Variants in NEB observed in about 807,000 individuals in gnomAD.
NEB encodes nebulin.
NEB carries 512 observed loss-of-function variants against 952.2 expected under a neutral mutation model. That is an observed-to-expected ratio of 0.54 (90% CI 0.50 to 0.58). The LOEUF (loss-of-function observed/expected upper bound fraction) is 0.58. NEB is among the 20% of genes least tolerant of loss of function. NEB has a pLI of 0.00. For missense variants in NEB, 8,428 were observed against 9,231.1 expected (o/e 0.91, Z 3.56); for synonymous variants, 2,900 against 3,149.8 (o/e 0.92, Z 2.66).
At chr2:151,672,251 T>C (rs2099310374) in intron 37 of NEB, 118 bp downstream of exon 37, 3 of 1,005,652 alleles carry the variant, frequency 3.0e-6, no homozygotes, top group East Asian at 5.3e-5. Context: ...TCAGTAATGG[T>C]TGTTTATTCT....
chr2:151,642,972 C>A (rs1055785464), intron 58 of NEB, 103 bp from the exon 59 acceptor site: 1 of 1,201,800 alleles, frequency 8.3e-7, no homozygotes. Flanking sequence ...CTCAGTGAAT[C>A]GGTATTTGTG....
At position 151,671,119 on chromosome 2, in the gene NEB, C is replaced by T; in HGVS notation, c.4410G>A (p.Arg1470=). 1 of 1,613,954 alleles carries T rather than the reference C, an allele frequency of 6.2e-7. No homozygotes were observed. The part of the protein sequence containing the change: ...VKKAGDALNE[R]KYRQHPDTVK... Reference sequence around the variant, plus strand: ...CGGTATCTGGGTGCTGTCGATACTTCCTCTCATTTAATGCATCGCCTGCTT... The same window carrying T: ...CGGTATCTGGGTGCTGTCGATACTTTCTCTCATTTAATGCATCGCCTGCTT... Residue 1470 remains arginine (R), a synonymous_variant, in exon 38 of 182, where the codon AGG becomes AGA. Coordinates refer to ENST00000397345, the MANE Select transcript of NEB (RefSeq NM_001164508.2).
intron 123 of NEB, 137 bp downstream of exon 123, chr2:151,560,867 G>A: frequency 2.6e-6 from 2 of 757,028 alleles, no homozygotes; most frequent in Non-Finnish European, 4.3e-6. Flanking sequence ...ATTTTATGAG[G>A]TAAAGTAAGA....
chr2:151,612,425 C>T (rs752591391), intron 77 of NEB, 36 bp from the exon 78 acceptor site: 1 of 1,569,828 alleles, frequency 6.4e-7, no homozygotes, highest in South Asian at 1.1e-5. Context: ...TTATAGATGT[C>T]ACCTAGACGG....
At chr2:151,565,911 A>T in intron 114 of NEB, 91 bp from the exon 115 acceptor site, 1 of 786,660 alleles carries the variant, frequency 1.3e-6, no homozygotes, top group African/African-American at 1.7e-5. Flanking sequence ...GAAGCTTTTA[A>T]AGGATTTCTC....
At chr2:151,554,877 G>A (rs182513864) in intron 125 of NEB, 54 bp downstream of exon 125, 13 of 1,230,462 alleles carry the variant, frequency 1.1e-5, no homozygotes, top group Middle Eastern at 3.8e-4. Context: ...CATAACGAGC[G>A]GCACATTTCT....
At chr2:151,493,197 T>A in intron 176 of NEB, 156 bp downstream of exon 176, 6 of 601,444 alleles carry the variant, frequency 1.0e-5, no homozygotes, top group Non-Finnish European at 8.6e-6. Flanking sequence ...AAGTGCAAAT[T>A]TTTATGGTGT....
At chr2:151,615,168 T>C (rs1377345717) in intron 76 of NEB, among the ~76,000 whole-genome samples, 2 of 152,170 alleles carry the variant, frequency 1.3e-5, no homozygotes, top group East Asian at 1.9e-4. Flanking sequence ...CATTCTACCA[T>C]GGTGTGGGCT....
At chr2:151,571,241 G>A (rs1156300116) in intron 107 of NEB, among the ~76,000 whole-genome samples, 3 of 152,104 alleles carry the variant, frequency 2.0e-5, no homozygotes. Flanking sequence ...CTGACCCTCA[G>A]GTGATCCACC....
At chr2:151,552,387 T>C (rs1006631784) in intron 128 of NEB, among the ~76,000 whole-genome samples, 1 of 152,186 alleles carries the variant, frequency 6.6e-6, no homozygotes, top group Non-Finnish European at 1.5e-5. Flanking sequence ...TAGATAGAAA[T>C]AAACTTGCTA....
Position 151,576,297 on chromosome 2 carries a change from A to T in NEB, c.16762T>A (p.Ser5588Thr), listed in dbSNP as rs35227368. The change falls in exon 106 of 182, where the codon TCT (serine) becomes ACT (threonine). Residue 5588 changes from serine (S) to threonine (T), a missense_variant. Transcript: ENST00000397345. The part of the protein sequence containing the change: ...LRGIGWMPQG[S>T]PEVLRVKNAQ... The stretch of plus-strand genomic sequence containing the variant: ...TTTTTGACTCTCAACACTTCAGGAG[A>T]CCCTTGGGGCATCCAGCCAATGCCA... 24,616 of 1,609,038 alleles carry T rather than the reference A, an allele frequency of 0.015. 1,208 individuals are homozygous for T. The highest frequency in any genetic ancestry group is 0.14 in the East Asian group (6,278 of 44,790).
chr2:151,691,934 C>T lies in NEB; in HGVS notation c.2141G>A (p.Gly714Glu). The change falls in exon 23 of 182, where the codon GGA (glycine) becomes GAA (glutamate). Residue 714 changes from glycine (G) to glutamate (E), a missense_variant. Physicochemically the swap from Gly to Glu is moderately conservative, Grantham distance 98. This residue lies in a region of NEB where 2,851 missense variants were observed against 2,791.5 expected (regional missense o/e 1.02). Coordinates refer to ENST00000397345, the MANE Select transcript of NEB (RefSeq NM_001164508.2). ...TATTGTCTGAGGGAAATAGCATTTT[C>T]CTTTATCTTCTTCATATTCTGCTTT... The part of the protein sequence containing the change: ...SYKAEYEEDK[G>E]KCYFPQTITQ... 1.9e-6 allele frequency: 3 copies of T among 1,610,018 alleles called. No individual in the cohort carries two copies. The highest frequency in any genetic ancestry group is 1.7e-5 in the Admixed American group (1 of 59,316).
chr2:151,632,979 G>T (rs2098699174), intron 65 of NEB, among the ~76,000 whole-genome samples: 2 of 152,206 alleles, frequency 1.3e-5, no homozygotes, highest in African/African-American at 4.8e-5. Flanking sequence ...GTTTTCTCAG[G>T]TAGGCTGTAA....
chr2:151,672,452 T>A lies in NEB; in HGVS notation c.4216A>T (p.Lys1406Ter), dbSNP rs780518721. 6.2e-7 allele frequency: 1 copy of A among 1,613,996 alleles called. No homozygotes were observed. Among genetic ancestry groups the A allele is most frequent in the Non-Finnish European group, 8.5e-7 (1 of 1,179,860 alleles). Residue 1406 changes from lysine (K) to a stop codon, truncating the protein, a stop_gained, in exon 37 of 182, where the codon AAA (lysine) becomes TAA (stop). Coordinates refer to ENST00000397345, the MANE Select transcript of NEB (RefSeq NM_001164508.2). LOFTEE classifies it high-confidence loss of function. ...AQDVATNVNY[K>*]QPLHHYTYLP... ...TATGTGTAATGATGCAATGGCTGTTTGTAGTTGACATTGGTAGCGACATCC... is the reference window on the plus strand; with the variant it reads ...TATGTGTAATGATGCAATGGCTGTTAGTAGTTGACATTGGTAGCGACATCC...
At chr2:151,510,780 C>A (rs568580858) in intron 161 of NEB, among the ~76,000 whole-genome samples, 1 of 152,310 alleles carries the variant, frequency 6.6e-6, no homozygotes, top group Admixed American at 6.5e-5. Context: ...CAGGCATCCA[C>A]TAGAGGTCTT....
intron 40 of NEB, among the ~76,000 whole-genome samples, chr2:151,667,018 T>C (rs1024230418): frequency 1.3e-5 from 2 of 152,026 alleles, no homozygotes; most frequent in African/African-American, 2.4e-5. Context: ...TCAATTCATA[T>C]AGGAATATAA....
chr2:151,642,195 A>T (rs2098872780), intron 60 of NEB, among the ~76,000 whole-genome samples: 1 of 152,218 alleles, frequency 6.6e-6, no homozygotes, highest in African/African-American at 2.4e-5. Flanking sequence ...GTGTCCTATA[A>T]TTCAGCCCTT....
At chr2:151,666,853 T>C (rs943025678) in intron 40 of NEB, among the ~76,000 whole-genome samples, 1 of 152,092 alleles carries the variant, frequency 6.6e-6, no homozygotes, top group Admixed American at 6.6e-5. Flanking sequence ...TGAGCCACCA[T>C]GTCTGGTCAA....
At chr2:151,503,774 G>A (rs77695696) in intron 165 of NEB, among the ~76,000 whole-genome samples, 3 of 152,154 alleles carry the variant, frequency 2.0e-5, no homozygotes, top group African/African-American at 4.8e-5. Context: ...TAGTAGGCCT[G>A]CAGTAGACTT....
Sources: gnomAD v4.1 joint callset for allele counts (sites outside exome capture counted in the v4.1 genomes callset) on GRCh38, gnomAD v4.1.1 for gene constraint, gnomAD v4.1.1 regional missense constraint, MANE v1.5 for transcripts, NCBI Gene and HGNC (gene_info 2026-07-23, HGNC 2026-07-21) for gene names.